Variants in TMTC1 observed in about 807,000 individuals in gnomAD.
TMTC1 encodes the protein protein O-mannosyl-transferase TMTC1.
Under a neutral mutation model 104.8 loss-of-function variants are expected in TMTC1, and 73 were observed. The observed-to-expected ratio is 0.70, with a 90% CI of 0.58 to 0.85. The LOEUF (loss-of-function observed/expected upper bound fraction) is 0.85. TMTC1 is among the 40% of genes least tolerant of loss of function. The pLI, the probability that TMTC1 is intolerant of heterozygous loss-of-function variation, is 0.00. For synonymous variants in TMTC1, 434 were observed against 428.7 expected, an observed-to-expected ratio of 1.01 and a Z score of -0.15; for missense variants, 1,035 against 1,096.1, an observed-to-expected ratio of 0.94 and a Z score of 0.79.
chr12:29,630,259 A>C (rs1938228858), intron 6 of TMTC1, among the ~76,000 whole-genome samples: 1 of 152,230 alleles, frequency 6.6e-6, no homozygotes, highest in Non-Finnish European at 1.5e-5. Flanking sequence ...ACAGTTCTGC[A>C]TGGCTGGGGA....
At chr12:29,684,961 C>T (rs1941045121) in intron 5 of TMTC1, among the ~76,000 whole-genome samples, 1 of 152,158 alleles carries the variant, frequency 6.6e-6, no homozygotes, top group South Asian at 2.1e-4. Flanking sequence ...ATTCTACAAA[C>T]CTTTTTTCCC....
chr12:29,719,872 G>C (rs1248774480), intron 5 of TMTC1, among the ~76,000 whole-genome samples: 1 of 152,140 alleles, frequency 6.6e-6, no homozygotes, highest in African/African-American at 2.4e-5. Flanking sequence ...TTTTCCATAG[G>C]AGGATCTAGC....
chr12:29,734,635 T>G (rs1024010277), intron 5 of TMTC1, among the ~76,000 whole-genome samples: 1 of 152,250 alleles, frequency 6.6e-6, no homozygotes, highest in Non-Finnish European at 1.5e-5. Context: ...TTTAAGAATA[T>G]ACCACATTTC....
At chr12:29,595,096 G>A (rs1018424612) in intron 7 of TMTC1, among the ~76,000 whole-genome samples, 1 of 152,154 alleles carries the variant, frequency 6.6e-6, no homozygotes, top group Non-Finnish European at 1.5e-5. Context: ...AGTCTCATCT[G>A]AATCCAAATT....
chr12:29,766,079 C>T (rs1490913467), intron 2 of TMTC1, among the ~76,000 whole-genome samples: 1 of 152,158 alleles, frequency 6.6e-6, no homozygotes, highest in Non-Finnish European at 1.5e-5. Flanking sequence ...CTGAGACTCA[C>T]CAAAGGACTA....
At chr12:29,619,194 AG>A (rs1333158839) in intron 6 of TMTC1, among the ~76,000 whole-genome samples, 1 of 152,184 alleles carries the variant, frequency 6.6e-6, no homozygotes, top group Admixed American at 6.5e-5. Flanking sequence ...TAAATAAAAG[AG>A]GGGTAGGTAA....
In TMTC1 at chr12:29,629,683, T is replaced by C. The variant is rs938722423; in HGVS notation, c.1128+3464A>G. On this transcript the variant is annotated intron_variant, in intron 6 of 17. Transcript: ENST00000539277. Reference sequence around the variant, plus strand: ...GGATGGAGGAGGGGAAAGCTGAGAGTGATTACTTAATAAGTATGGGGGTAT... The same window carrying C: ...GGATGGAGGAGGGGAAAGCTGAGAGCGATTACTTAATAAGTATGGGGGTAT... Among the ~76,000 whole-genome samples the C allele has an allele frequency of 1.7e-4, 26 of 152,060 alleles. 1 individual carries two copies. Among genetic ancestry groups the C allele is most frequent in the African/African-American group, 5.8e-4 (24 of 41,420 alleles).
chr12:29,770,653 G>GA (rs1486613580), intron 1 of TMTC1, among the ~76,000 whole-genome samples: 1 of 152,138 alleles, frequency 6.6e-6, no homozygotes, highest in African/African-American at 2.4e-5. Context: ...ATAATGCTGT[G>GA]AAAGTCCCTT....
intron 5 of TMTC1, among the ~76,000 whole-genome samples, chr12:29,714,825 T>C (rs1194046486): frequency 6.6e-6 from 1 of 152,228 alleles, no homozygotes; most frequent in Non-Finnish European, 1.5e-5. Flanking sequence ...CCAGTGGTCA[T>C]GATCTTAACA....
chr12:29,608,895 C>A (rs1004529911), intron 6 of TMTC1, among the ~76,000 whole-genome samples: 1 of 152,144 alleles, frequency 6.6e-6, no homozygotes, highest in Non-Finnish European at 1.5e-5. Context: ...TTTATCCCCT[C>A]CTCTTCATAC....
intron 5 of TMTC1, among the ~76,000 whole-genome samples, chr12:29,647,552 T>C (rs1939325108): frequency 6.6e-6 from 1 of 152,168 alleles, no homozygotes; most frequent in Non-Finnish European, 1.5e-5. Flanking sequence ...GATCTAAGGT[T>C]TTGTGTCTCT....
chr12:29,528,244 T>C (rs1014911026), intron 11 of TMTC1, among the ~76,000 whole-genome samples: 2 of 152,340 alleles, frequency 1.3e-5, no homozygotes, highest in East Asian at 3.9e-4. Context: ...TTCTAGTCTC[T>C]ACTGACTTGT....
At chr12:29,739,226 A>G (rs924463937) in intron 5 of TMTC1, among the ~76,000 whole-genome samples, 1 of 151,788 alleles carries the variant, frequency 6.6e-6, no homozygotes, top group Non-Finnish European at 1.5e-5. Flanking sequence ...ACTCCTGCCT[A>G]CCCTTCCCAA....
chr12:29,694,417 C>T (rs1476736071), intron 5 of TMTC1, among the ~76,000 whole-genome samples: 1 of 152,214 alleles, frequency 6.6e-6, no homozygotes, highest in Non-Finnish European at 1.5e-5. Flanking sequence ...AATCTACACA[C>T]ATCCTCCCAT....
At chr12:29,564,525 G>A (rs1187507410) in intron 9 of TMTC1, among the ~76,000 whole-genome samples, 1 of 152,142 alleles carries the variant, frequency 6.6e-6, no homozygotes, top group East Asian at 1.9e-4. Flanking sequence ...GGTCAACAAA[G>A]TCAAATGCTG....
intron 5 of TMTC1, among the ~76,000 whole-genome samples, chr12:29,674,473 G>T (rs1940645943): frequency 6.6e-6 from 1 of 152,188 alleles, no homozygotes; most frequent in African/African-American, 2.4e-5. Flanking sequence ...TAGAGGAAAA[G>T]ATTTAATCTC....
At chr12:29,689,175 T>C (rs535884645) in intron 5 of TMTC1, among the ~76,000 whole-genome samples, 1 of 152,022 alleles carries the variant, frequency 6.6e-6, no homozygotes, top group Non-Finnish European at 1.5e-5. Context: ...GGCAACTTTG[T>C]AGAGCCATCA....
At chr12:29,705,316 T>A (rs1214345296) in intron 5 of TMTC1, among the ~76,000 whole-genome samples, 3 of 152,224 alleles carry the variant, frequency 2.0e-5, no homozygotes, top group Non-Finnish European at 2.9e-5. Context: ...TACTCCAAAA[T>A]AAGCTGCCTT....
At chr12:29,563,722 C>T (rs1281129838) in intron 9 of TMTC1, among the ~76,000 whole-genome samples, 1 of 152,162 alleles carries the variant, frequency 6.6e-6, no homozygotes, top group East Asian at 1.9e-4. Context: ...TTATGTTCGT[C>T]CAGACTTTGT....
Sources: allele counts gnomAD v4.1 joint callset (sites outside exome capture counted in the v4.1 genomes callset), GRCh38; gene constraint gnomAD v4.1.1; transcripts MANE v1.5; gene names NCBI Gene and HGNC (gene_info 2026-07-23, HGNC 2026-07-21).